RPA3: variants seen among roughly 807,000 people sequenced by gnomAD.
The protein encoded by RPA3 is replication protein A 14 kDa subunit.
In RPA3, 24 loss-of-function variants were observed where a neutral mutation model predicts 13.7. The observed-to-expected ratio is 1.75, with a 90% confidence interval of 1.27 to 2.46. The LOEUF is 2.46. Ranked by LOEUF, RPA3 falls within the 30% of genes most tolerant of loss-of-function variation. RPA3 has a pLI of 0.00. For synonymous variants in RPA3, 59 were observed against 51.2 expected, an observed-to-expected ratio of 1.15 and a Z score of -0.65; for missense variants, 183 against 151.0, an observed-to-expected ratio of 1.21 and a Z score of -1.11.
At position 7,640,676 on chromosome 7, in the gene RPA3, A is replaced by C. The variant is rs1032347323; in HGVS notation, c.-258T>G. On this transcript the variant is annotated 5_prime_UTR_variant, in exon 5 of 8. Transcript: ENST00000223129. ...CCCGGAAGTTGACAGATACAGGGCG[A>C]GAGGCAGTGGAGGCGGGACTTGGAT... The C allele has an allele frequency of 3.5e-5, 17 of 485,078 alleles. No individual in the cohort carries two copies. Among genetic ancestry groups the C allele is most frequent in the Admixed American group, 1.9e-4 (5 of 26,970 alleles). The allele number at this position is 485,078 out of a possible 1,614,324, so 30.0% of individuals were successfully genotyped here. A position where few individuals can be genotyped will look rare whatever the true frequency, so the allele number is the denominator to read the frequency against.
intron 2 of RPA3, among the ~76,000 whole-genome samples, chr7:7,705,925 T>A (rs1198627119): frequency 6.6e-6 from 1 of 152,156 alleles, no homozygotes; most frequent in Non-Finnish European, 1.5e-5. Flanking sequence ...GTACCTTCTG[T>A]TCAATTTTGC....
chr7:7,670,367 G>C (rs900492233), intron 4 of RPA3, among the ~76,000 whole-genome samples: 85 of 152,186 alleles, frequency 5.6e-4, no homozygotes, highest in Admixed American at 5.4e-3. Context: ...ATATACAAAA[G>C]TTCTTGTAGC....
chr7:7,636,835 G>C lies in RPA3; in HGVS notation c.*165C>G, dbSNP rs1158758615. On this transcript the variant is annotated 3_prime_UTR_variant, in exon 8 of 8. Coordinates refer to ENST00000223129, the MANE Select transcript of RPA3 (RefSeq NM_002947.5). ...CAATTCTTTATAAAAGGACTTCGGT[G>C]AGAACTGTCAATATATCAGTTCCAT... 6 of 590,910 alleles carry C rather than the reference G, an allele frequency of 1.0e-5. No individual in the cohort carries two copies. The highest frequency in any genetic ancestry group is 6.8e-5 in the Admixed American group (2 of 29,474). The allele number at this position is 590,910 out of a possible 1,614,324, so 36.6% of individuals were successfully genotyped here. A position where few individuals can be genotyped will look rare whatever the true frequency, so the allele number is the denominator to read the frequency against.
chr7:7,716,849 G>C (rs1207368126), intron 1 of RPA3, among the ~76,000 whole-genome samples: 1 of 152,120 alleles, frequency 6.6e-6, no homozygotes, highest in African/African-American at 2.4e-5. Context: ...GGGAGCCTGA[G>C]GCAGGAGAAT....
intron 4 of RPA3, among the ~76,000 whole-genome samples, chr7:7,659,879 G>A (rs886658898): frequency 6.6e-5 from 10 of 152,022 alleles, no homozygotes; most frequent in Admixed American, 3.9e-4. Flanking sequence ...TCTCGTTGAT[G>A]TATCTAATAT....
At chr7:7,639,321 A>T (rs1195480173) in intron 5 of RPA3, among the ~76,000 whole-genome samples, 177 bp from the exon 6 acceptor site, 2 of 21,182 alleles carry the variant, frequency 9.4e-5, no homozygotes, top group Admixed American at 6.3e-4. Context: ...CTGTTCATGG[A>T]ACACACAGTT....
intron 4 of RPA3, among the ~76,000 whole-genome samples, chr7:7,654,634 G>A (rs1316465469): frequency 1.3e-5 from 2 of 152,166 alleles, no homozygotes; most frequent in Admixed American, 1.3e-4. Context: ...TGGGTGCGGT[G>A]GCTCATGCTT....
chr7:7,717,491 C>G (rs574218637), intron 1 of RPA3, among the ~76,000 whole-genome samples: 1 of 152,258 alleles, frequency 6.6e-6, no homozygotes, highest in South Asian at 2.1e-4. Flanking sequence ...GAAGTATTTA[C>G]TTTATTAAAT....
At chr7:7,637,581 T>C (rs530190735) in intron 7 of RPA3, among the ~76,000 whole-genome samples, 1 of 151,274 alleles carries the variant, frequency 6.6e-6, no homozygotes, top group African/African-American at 2.4e-5. Context: ...ATAAAACTGT[T>C]TTCCTGTATG....
chr7:7,660,621 C>T (rs1463478061), intron 4 of RPA3, among the ~76,000 whole-genome samples: 3 of 152,142 alleles, frequency 2.0e-5, no homozygotes, highest in African/African-American at 4.8e-5. Flanking sequence ...AGAATGTTGA[C>T]TATTGGCCCC....
intron 4 of RPA3, among the ~76,000 whole-genome samples, chr7:7,649,753 C>T (rs1785182581): frequency 1.3e-5 from 2 of 152,090 alleles, no homozygotes; most frequent in South Asian, 4.1e-4. Flanking sequence ...TCTCCCCCCA[C>T]CCAATTCATA....
rs1163906879 is a variant in RPA3, at chr7:7,662,024, G to GA, written c.-757-20850dup. ...GCCCTACACAGAGAGGAGGAATCTA[G>GA]AGAGGCAGTCTGGCTACAGCGGCTT... On this transcript the variant is annotated intron_variant, in intron 4 of 7. Transcript: ENST00000223129. Among the ~76,000 whole-genome samples, 4 of 152,202 alleles carry GA rather than the reference G, an allele frequency of 2.6e-5. No individual in the cohort carries two copies. In the East Asian group the frequency reaches 7.7e-4, roughly 29 times the overall value.
At chr7:7,697,265 T>A (rs936310949) in intron 2 of RPA3, among the ~76,000 whole-genome samples, 3 of 152,254 alleles carry the variant, frequency 2.0e-5, no homozygotes, top group South Asian at 4.1e-4. Flanking sequence ...CTAGGAATGA[T>A]ATCTTCTATC....
At chr7:7,717,756 A>G (rs1172823120) in intron 1 of RPA3, among the ~76,000 whole-genome samples, 1 of 152,216 alleles carries the variant, frequency 6.6e-6, no homozygotes, top group Non-Finnish European at 1.5e-5. Flanking sequence ...TGTATAGTTC[A>G]GGAACTCTGG....
At chr7:7,639,729 T>C (rs969972629) in intron 5 of RPA3, among the ~76,000 whole-genome samples, 3 of 152,224 alleles carry the variant, frequency 2.0e-5, no homozygotes, top group Non-Finnish European at 4.4e-5. Flanking sequence ...GTGGATGAAA[T>C]GAGCTACTAA....
At chr7:7,686,981 T>C (rs1325452502) in intron 3 of RPA3, among the ~76,000 whole-genome samples, 2 of 152,126 alleles carry the variant, frequency 1.3e-5, no homozygotes, top group African/African-American at 4.8e-5. Flanking sequence ...CTAGGGTACG[T>C]TGTAAGGATA....
intron 4 of RPA3, among the ~76,000 whole-genome samples, chr7:7,662,462 C>T (rs901002404): frequency 1.3e-5 from 2 of 152,240 alleles, no homozygotes; most frequent in Non-Finnish European, 2.9e-5. Flanking sequence ...CGGCGGGAAT[C>T]TCCTGGTCTG....
intron 4 of RPA3, among the ~76,000 whole-genome samples, chr7:7,649,517 C>T (rs866788386): frequency 2.4e-4 from 37 of 152,298 alleles, no homozygotes; most frequent in African/African-American, 8.7e-4. Context: ...CATATTCAAA[C>T]CACAGCAGGA....
At chr7:7,705,750 A>T (rs1780583010) in intron 2 of RPA3, among the ~76,000 whole-genome samples, 1 of 152,168 alleles carries the variant, frequency 6.6e-6, no homozygotes, top group Non-Finnish European at 1.5e-5. Flanking sequence ...AAACTCATAG[A>T]ATATAAAATA....
Sources: gnomAD v4.1 joint callset for allele counts (sites outside exome capture counted in the v4.1 genomes callset) on GRCh38, gnomAD v4.1.1 for gene constraint, MANE v1.5 for transcripts, NCBI Gene and HGNC (gene_info 2026-07-23, HGNC 2026-07-21) for gene names.